The following FGF14 variants were observed in gnomAD, a reference collection of about 807,000 sequenced individuals.
The protein encoded by FGF14 is fibroblast growth factor 14.
In FGF14, 5 loss-of-function variants were observed where a neutral mutation model predicts 25.5. The ratio of observed to expected loss-of-function variants is 0.20; its 90% CI spans 0.10 to 0.41. FGF14 has a LOEUF of 0.41. Ranked by LOEUF, FGF14 falls within the 10% of genes least tolerant of loss-of-function variation. The probability of loss-of-function intolerance (pLI) is 1.00; values close to 1 mark genes in which losing one functional copy is unlikely to be tolerated. For synonymous variants in FGF14, 138 were observed against 118.3 expected (o/e 1.17, Z -1.08); for missense variants, 222 against 320.1 (o/e 0.69, Z 2.34).
intron 1 of FGF14, among the ~76,000 whole-genome samples, chr13:101,923,436 A>G (rs557369514): frequency 1.3e-5 from 2 of 152,218 alleles, no homozygotes; most frequent in African/African-American, 4.8e-5. Context: ...CCGGAAAAGT[A>G]ATCGATATTG....
intron 1 of FGF14, among the ~76,000 whole-genome samples, chr13:102,352,159 G>C (rs1002894857): frequency 6.6e-6 from 1 of 151,772 alleles, no homozygotes; most frequent in African/African-American, 2.4e-5. Context: ...GTATTACTGA[G>C]CCTTTGAAAT....
chr13:101,954,262 A>G (rs180825982), intron 1 of FGF14, among the ~76,000 whole-genome samples: 2 of 151,682 alleles, frequency 1.3e-5, no homozygotes, highest in Admixed American at 1.3e-4. Context: ...CTGTTCAGTA[A>G]AATTAGTCCC....
At chr13:101,963,646 A>G (rs1348604430) in intron 1 of FGF14, among the ~76,000 whole-genome samples, 1 of 152,258 alleles carries the variant, frequency 6.6e-6, no homozygotes, top group Non-Finnish European at 1.5e-5. Flanking sequence ...ATGCATTTAT[A>G]TTCTGTCACC....
At chr13:101,957,645 A>G (rs998695587) in intron 1 of FGF14, among the ~76,000 whole-genome samples, 1 of 152,206 alleles carries the variant, frequency 6.6e-6, no homozygotes. Flanking sequence ...ACTCAGAGTC[A>G]TCCATTTTGG....
intron 1 of FGF14, among the ~76,000 whole-genome samples, chr13:101,905,103 A>G (rs2032069047): frequency 3.3e-5 from 5 of 152,194 alleles, no homozygotes; most frequent in African/African-American, 1.2e-4. Flanking sequence ...CTATTGTCCC[A>G]TGCATTGAAC....
chr13:101,940,409 C>T (rs2035371910), intron 1 of FGF14, among the ~76,000 whole-genome samples: 1 of 152,206 alleles, frequency 6.6e-6, no homozygotes, highest in Non-Finnish European at 1.5e-5. Context: ...CCTGTGCACA[C>T]CTGTTCTTTC....
chr13:102,198,530 T>C lies in FGF14; in HGVS notation c.208+202941A>G, dbSNP rs149386859. ...CTTTAGGAAGGCGTAGGAGACTGAA[T>C]TGGAAAATGCAGCCAGGCAATTTAT... On this transcript the variant is annotated intron_variant, in intron 1 of 4. Coordinates refer to the FGF14 transcript ENST00000376131. 2.9e-3 allele frequency among the ~76,000 whole-genome samples: 438 copies of C among 152,252 alleles called. 2 individuals are homozygous for C. Among genetic ancestry groups the C allele is most frequent in the African/African-American group, 9.4e-3 (391 of 41,542 alleles).
At chr13:102,002,280 T>C (rs1160763185) in intron 1 of FGF14, 2 of 152,234 alleles carry the variant, frequency 1.3e-5, no homozygotes, top group Non-Finnish European at 2.9e-5. Context: ...CCATAGAAGA[T>C]TGGATCCACG....
At chr13:102,238,366 T>C (rs574554792) in intron 1 of FGF14, among the ~76,000 whole-genome samples, 1 of 152,230 alleles carries the variant, frequency 6.6e-6, no homozygotes, top group Non-Finnish European at 1.5e-5. Flanking sequence ...GTCTTGTATA[T>C]CCTTTCAACA....
chr13:102,163,238 A>G (rs983190612), intron 1 of FGF14, among the ~76,000 whole-genome samples: 3 of 152,180 alleles, frequency 2.0e-5, no homozygotes, highest in African/African-American at 4.8e-5. Context: ...TGTATAGTTT[A>G]GGGCTATCAT....
At chr13:102,038,880 C>T (rs920290973) in intron 1 of FGF14, among the ~76,000 whole-genome samples, 12 of 152,000 alleles carry the variant, frequency 7.9e-5, no homozygotes, top group Non-Finnish European at 1.8e-4. Flanking sequence ...CTAGGAAAAA[C>T]TTTCCTGTCC....
At chr13:102,125,144 G>A (rs1322471809) in intron 1 of FGF14, among the ~76,000 whole-genome samples, 1 of 152,056 alleles carries the variant, frequency 6.6e-6, no homozygotes, top group Non-Finnish European at 1.5e-5. Flanking sequence ...AGATATTATT[G>A]TTTAATATGT....
intron 1 of FGF14, among the ~76,000 whole-genome samples, chr13:102,126,030 T>C (rs966899200): frequency 6.6e-6 from 1 of 152,176 alleles, no homozygotes; most frequent in African/African-American, 2.4e-5. Context: ...GTTACCAGCA[T>C]CATTCACTTG....
intron 3 of FGF14, among the ~76,000 whole-genome samples, chr13:101,727,441 G>T (rs2035514005): frequency 1.3e-5 from 2 of 152,076 alleles, no homozygotes; most frequent in Non-Finnish European, 2.9e-5. Flanking sequence ...AAAGGTTTGA[G>T]TCCCGTTGGA....
At chr13:102,257,309 C>G (rs902424243) in intron 1 of FGF14, among the ~76,000 whole-genome samples, 4 of 121,766 alleles carry the variant, frequency 3.3e-5, no homozygotes, top group Non-Finnish European at 7.1e-5. Context: ...TCTTTTTTTT[C>G]CTTTTTGCAT....
At chr13:101,965,494 T>A (rs2037135031) in intron 1 of FGF14, among the ~76,000 whole-genome samples, 1 of 152,162 alleles carries the variant, frequency 6.6e-6, no homozygotes, top group South Asian at 2.1e-4. Flanking sequence ...GAGTTTATTT[T>A]AAAAATTTTA....
chr13:102,205,689 G>T (rs1362406461), intron 1 of FGF14, among the ~76,000 whole-genome samples: 2 of 148,160 alleles, frequency 1.3e-5, no homozygotes, highest in Admixed American at 1.4e-4. Context: ...GAAAGGGAAA[G>T]AAACATGAAA....
At chr13:101,957,493 C>G (rs1357619767) in intron 1 of FGF14, among the ~76,000 whole-genome samples, 1 of 152,126 alleles carries the variant, frequency 6.6e-6, no homozygotes, top group Non-Finnish European at 1.5e-5. Flanking sequence ...AAAGTATGGT[C>G]CCCAGACCAA....
intron 1 of FGF14, among the ~76,000 whole-genome samples, chr13:102,261,882 G>T (rs1287503962): frequency 6.6e-6 from 1 of 152,128 alleles, no homozygotes; most frequent in South Asian, 2.1e-4. Context: ...GGCCTCTTTG[G>T]TGTGATCACC....
Sources: allele counts gnomAD v4.1 joint callset (sites outside exome capture counted in the v4.1 genomes callset), GRCh38; gene constraint gnomAD v4.1.1; transcripts MANE v1.5; gene names NCBI Gene and HGNC (gene_info 2026-07-23, HGNC 2026-07-21).